SPATA16: variants seen among roughly 807,000 people sequenced by gnomAD.
SPATA16 encodes the protein spermatogenesis associated 16, also known as spermatogenesis-associated protein 16.
In SPATA16, 36 loss-of-function variants were observed where a neutral mutation model predicts 63.3. The ratio of observed to expected loss-of-function variants is 0.57; its 90% confidence interval spans 0.44 to 0.75. The LOEUF is 0.75. Among genes scored for constraint, SPATA16 ranks in the 30% least tolerant of loss-of-function variants. The pLI, the probability that SPATA16 is intolerant of heterozygous loss-of-function variation, is 0.00. For missense variants in SPATA16, 646 were observed against 679.3 expected, an observed-to-expected ratio of 0.95 and a Z score of 0.54; for synonymous variants, 203 against 216.7, an observed-to-expected ratio of 0.94 and a Z score of 0.56.
At chr3:173,028,500 A>C (rs552545021) in intron 3 of SPATA16, among the ~76,000 whole-genome samples, 1 of 152,000 alleles carries the variant, frequency 6.6e-6, no homozygotes, top group Non-Finnish European at 1.5e-5. Context: ...GGATGTCGAT[A>C]AAATTTTCAG....
At chr3:172,962,072 G>A (rs1733799553) in intron 5 of SPATA16, among the ~76,000 whole-genome samples, 1 of 151,952 alleles carries the variant, frequency 6.6e-6, no homozygotes, top group African/African-American at 2.4e-5. Context: ...GGCCAACATG[G>A]TGAAACCCTG....
intron 5 of SPATA16, among the ~76,000 whole-genome samples, chr3:172,973,888 G>A (rs555916764): frequency 4.0e-5 from 6 of 151,150 alleles, no homozygotes; most frequent in East Asian, 3.9e-4. Context: ...CCTGGATGTC[G>A]GGTTGCAGAG....
intron 10 of SPATA16, among the ~76,000 whole-genome samples, chr3:172,899,107 G>T (rs1274016677): frequency 8.6e-5 from 13 of 151,928 alleles, no homozygotes; most frequent in Admixed American, 8.5e-4. Flanking sequence ...CTATTTTGGT[G>T]CATGTTCCAT....
chr3:173,062,044 A>ATTTT (rs10618031), intron 2 of SPATA16, among the ~76,000 whole-genome samples: 4 of 115,528 alleles, frequency 3.5e-5, no homozygotes, highest in Admixed American at 9.4e-5. Context: ...GTGCTTCAAC[A>ATTTT]TTTTTTTTTT....
chr3:172,940,803 A>T (rs1827150), intron 6 of SPATA16, among the ~76,000 whole-genome samples: 75,076 of 151,834 alleles, frequency 0.49, 20,577 homozygotes, highest in African/African-American at 0.74. Context: ...GGCAACATGG[A>T]GAAACCTTGT....
chr3:173,032,333 A>G (rs1345349550), intron 3 of SPATA16, among the ~76,000 whole-genome samples: 4 of 152,154 alleles, frequency 2.6e-5, no homozygotes, highest in African/African-American at 9.6e-5. Context: ...CTATATTGTC[A>G]CAACACTGAA....
chr3:172,979,257 A>T (rs1383754879), intron 4 of SPATA16, among the ~76,000 whole-genome samples: 3 of 151,704 alleles, frequency 2.0e-5, no homozygotes, highest in Non-Finnish European at 4.4e-5. Flanking sequence ...AAAAAAAAAT[A>T]GTCCAATGCC....
intron 2 of SPATA16, among the ~76,000 whole-genome samples, chr3:173,102,220 T>C (rs187822634): frequency 1.3e-5 from 2 of 152,316 alleles, no homozygotes; most frequent in East Asian, 1.9e-4. Flanking sequence ...TTAAAATACA[T>C]TTAAGCTAAG....
At chr3:173,130,569 G>A (rs1268419120) in intron 1 of SPATA16, among the ~76,000 whole-genome samples, 1 of 151,964 alleles carries the variant, frequency 6.6e-6, no homozygotes, top group Admixed American at 6.6e-5. Flanking sequence ...CATATGATTT[G>A]CCCGAGGATA....
chr3:172,981,678 C>A (rs1349330174), intron 4 of SPATA16, among the ~76,000 whole-genome samples: 2 of 152,180 alleles, frequency 1.3e-5, no homozygotes, highest in Non-Finnish European at 2.9e-5. Context: ...ACTATCCATA[C>A]CCTCACTTGT....
chr3:172,988,468 A>T (rs578126452), intron 4 of SPATA16, among the ~76,000 whole-genome samples: 1 of 152,272 alleles, frequency 6.6e-6, no homozygotes, highest in South Asian at 2.1e-4. Flanking sequence ...GCGCCTCCTC[A>T]ATATGCCAAT....
chr3:173,090,460 G>C (rs1037923010), intron 2 of SPATA16, among the ~76,000 whole-genome samples: 1 of 152,148 alleles, frequency 6.6e-6, no homozygotes, highest in Non-Finnish European at 1.5e-5. Context: ...TGCAAGAATG[G>C]AATGATGCTA....
At chr3:172,988,416 C>A (rs189907687) in intron 4 of SPATA16, among the ~76,000 whole-genome samples, 24 of 152,236 alleles carry the variant, frequency 1.6e-4, no homozygotes, top group African/African-American at 5.1e-4. Context: ...CTGTGTAGTA[C>A]GTGGGCTGTC....
intron 2 of SPATA16, among the ~76,000 whole-genome samples, chr3:173,083,171 T>G (rs985701842): frequency 3.9e-5 from 6 of 151,914 alleles, no homozygotes; most frequent in Admixed American, 3.3e-4. Context: ...AGCATAAATA[T>G]AAACAAAACT....
chr3:172,918,291 A>C (rs1732540447), intron 8 of SPATA16, among the ~76,000 whole-genome samples: 1 of 152,208 alleles, frequency 6.6e-6, no homozygotes, highest in Non-Finnish European at 1.5e-5. Context: ...CTCAACCCTA[A>C]AGAGCAGAAA....
intron 9 of SPATA16, 46 bp from the exon 10 acceptor site, chr3:172,913,790 A>G (rs1465673386): frequency 6.6e-7 from 1 of 1,518,856 alleles, no homozygotes; most frequent in East Asian, 2.3e-5. Flanking sequence ...TCACACAGAA[A>G]TAACTTCTCT....
chr3:173,105,384 C>T (rs537340360), intron 2 of SPATA16, among the ~76,000 whole-genome samples: 1 of 152,158 alleles, frequency 6.6e-6, no homozygotes, highest in African/African-American at 2.4e-5. Flanking sequence ...GACAGTCAAA[C>T]AGGTTATTCT....
At chr3:173,058,190 T>C (rs1736295084) in intron 2 of SPATA16, among the ~76,000 whole-genome samples, 1 of 152,136 alleles carries the variant, frequency 6.6e-6, no homozygotes, top group Non-Finnish European at 1.5e-5. Context: ...TCTCTGAATA[T>C]ATCATGAACA....
intron 2 of SPATA16, among the ~76,000 whole-genome samples, chr3:173,064,320 C>CAAAAAAAAAAAAAAA (rs59773490): frequency 6.9e-5 from 4 of 57,646 alleles, no homozygotes; most frequent in African/African-American, 2.8e-4. Context: ...ACACGCACAC[C>CAAAAAAAAAAAAAAA]AAAAAAAAAA....
Sources: allele counts gnomAD v4.1 joint callset (sites outside exome capture counted in the v4.1 genomes callset), GRCh38; gene constraint gnomAD v4.1.1; transcripts MANE v1.5; gene names NCBI Gene and HGNC (gene_info 2026-07-23, HGNC 2026-07-21).